PCDH15: variants seen among roughly 807,000 people sequenced by gnomAD.
PCDH15 encodes protocadherin related 15.
In PCDH15, 129 loss-of-function variants were observed where a neutral mutation model predicts 178.5. The ratio of observed to expected loss-of-function variants is 0.72; its 90% CI spans 0.63 to 0.84. PCDH15 has a LOEUF of 0.84. PCDH15 is among the 40% of genes least tolerant of loss of function. The pLI, the probability that PCDH15 is intolerant of heterozygous loss-of-function variation, is 0.00. For synonymous variants in PCDH15, 800 were observed against 732.0 expected (o/e 1.09, Z -1.50); for missense variants, 2,230 against 2,099.9 (o/e 1.06, Z -1.21).
intron 2 of PCDH15, among the ~76,000 whole-genome samples, chr10:55,361,135 A>G (rs1845218612): frequency 6.6e-6 from 1 of 152,006 alleles, no homozygotes; most frequent in South Asian, 2.1e-4. Context: ...TATAAAGTTC[A>G]AAAATAGGTT....
intron 35 of PCDH15, among the ~76,000 whole-genome samples, chr10:53,812,960 C>T (rs2075927586): frequency 6.6e-6 from 1 of 152,152 alleles, no homozygotes; most frequent in Non-Finnish European, 1.5e-5. Flanking sequence ...TTACAGCCTG[C>T]ATGATTGATA....
At chr10:55,115,294 C>A (rs1042963677) in intron 2 of PCDH15, among the ~76,000 whole-genome samples, 2 of 152,092 alleles carry the variant, frequency 1.3e-5, no homozygotes, top group Non-Finnish European at 2.9e-5. Context: ...TGCAAGAGAC[C>A]TTAGAAGAAA....
At chr10:55,497,007 T>G (rs867942012) in intron 2 of PCDH15, among the ~76,000 whole-genome samples, 2 of 152,002 alleles carry the variant, frequency 1.3e-5, no homozygotes, top group Middle Eastern at 3.4e-3. Flanking sequence ...AGAATACTTT[T>G]GGGGACAATT....
rs574723563 is a variant in PCDH15 at position 55,084,615 on chromosome 10, A to G, written c.-80+81961T>C. Among the ~76,000 whole-genome samples the G allele has an allele frequency of 2.0e-4, 31 of 152,138 alleles. No homozygotes were observed. The South Asian group carries it at 5.6e-3, about 27-fold the overall frequency. On this transcript the variant is annotated intron_variant, in intron 2 of 5. Coordinates refer to the PCDH15 transcript ENST00000458638. The stretch of plus-strand genomic sequence containing the variant: ...TAAAAAGCTCCTGTACAGCAAAGTA[A>G]ACATAAGCAAAATGAAGAGACAACC...
At chr10:55,453,325 T>C (rs1565154898) in intron 2 of PCDH15, among the ~76,000 whole-genome samples, 1 of 152,184 alleles carries the variant, frequency 6.6e-6, no homozygotes, top group African/African-American at 2.4e-5. Flanking sequence ...CAATAAAATA[T>C]TGTTTTCTTA....
chr10:53,963,968 T>G (rs904995272), intron 21 of PCDH15, among the ~76,000 whole-genome samples: 2 of 152,252 alleles, frequency 1.3e-5, no homozygotes, highest in African/African-American at 4.8e-5. Context: ...AAGGGCAATC[T>G]GATCCTAAAA....
intron 2 of PCDH15, among the ~76,000 whole-genome samples, chr10:54,601,470 G>T (rs951397916): frequency 6.6e-6 from 1 of 151,860 alleles, no homozygotes; most frequent in Non-Finnish European, 1.5e-5. Context: ...TTAGAGACAC[G>T]CAAATAAAAA....
chr10:54,260,094 G>A (rs1460800998), intron 8 of PCDH15, among the ~76,000 whole-genome samples: 9 of 152,068 alleles, frequency 5.9e-5, no homozygotes, highest in Non-Finnish European at 4.4e-5. Flanking sequence ...TGTAATGACG[G>A]TAATGGTATT....
At chr10:53,964,814 T>C (rs2088818578) in intron 21 of PCDH15, among the ~76,000 whole-genome samples, 1 of 152,122 alleles carries the variant, frequency 6.6e-6, no homozygotes. Context: ...CTTATTATAA[T>C]CATATACAAT....
At position 54,242,183 on chromosome 10, in the gene PCDH15, TATATAC is replaced by T. The variant is rs71890703; in HGVS notation, c.877-5258_877-5253del. 8.2e-4 allele frequency among the ~76,000 whole-genome samples: 64 copies of T among 78,172 alleles called. 2 individuals carry two copies. The highest frequency in any genetic ancestry group is 1.7e-3 in the African/African-American group (30 of 17,364). The allele number at this position is 78,172 out of a possible 152,430, so 51.3% of individuals were successfully genotyped here. On this transcript the variant is annotated intron_variant, in intron 8 of 37. Coordinates refer to ENST00000644397, the MANE Select transcript of PCDH15 (RefSeq NM_001384140.1). ...ATATATATATATATATATATATATA[TATATAC>T]ACACACACACATACATACATACACA...
intron 3 of PCDH15, among the ~76,000 whole-genome samples, chr10:54,463,880 C>T (rs1400566796): frequency 2.6e-5 from 4 of 151,946 alleles, no homozygotes; most frequent in Non-Finnish European, 4.4e-5. Context: ...TATAGGTACT[C>T]AAGGAAGAAA....
chr10:54,491,078 C>A (rs1454338643), intron 3 of PCDH15, among the ~76,000 whole-genome samples: 1 of 152,124 alleles, frequency 6.6e-6, no homozygotes, highest in East Asian at 1.9e-4. Flanking sequence ...AGGCAGCTAT[C>A]AGCATTCAGT....
chr10:54,633,875 A>G (rs533973619), intron 2 of PCDH15, among the ~76,000 whole-genome samples: 1 of 152,226 alleles, frequency 6.6e-6, no homozygotes, highest in African/African-American at 2.4e-5. Context: ...TTAGGCACAT[A>G]TTAGGAGTGT....
chr10:54,732,020 A>C (rs1432990381), intron 1 of PCDH15, among the ~76,000 whole-genome samples: 1 of 151,408 alleles, frequency 6.6e-6, no homozygotes, highest in East Asian at 1.9e-4. Flanking sequence ...TTTACAAATT[A>C]TATACATATA....
chr10:54,005,270 T>C (rs762063220), intron 20 of PCDH15, among the ~76,000 whole-genome samples: 2 of 152,026 alleles, frequency 1.3e-5, no homozygotes, highest in African/African-American at 2.4e-5. Flanking sequence ...TCTTGAGTAA[T>C]ACCTCACAAG....
At chr10:55,143,379 T>G (rs748150883) in intron 2 of PCDH15, among the ~76,000 whole-genome samples, 1 of 152,144 alleles carries the variant, frequency 6.6e-6, no homozygotes, top group South Asian at 2.1e-4. Flanking sequence ...GAAATAGATA[T>G]AAAAGTAATT....
intron 8 of PCDH15, among the ~76,000 whole-genome samples, chr10:54,268,113 G>T (rs572985171): frequency 6.6e-6 from 1 of 151,850 alleles, no homozygotes; most frequent in South Asian, 2.1e-4. Flanking sequence ...AGAGAATCCA[G>T]AAATGAGGCC....
intron 2 of PCDH15, among the ~76,000 whole-genome samples, chr10:55,472,978 T>G (rs899444599): frequency 1.3e-5 from 2 of 152,204 alleles, no homozygotes; most frequent in Non-Finnish European, 2.9e-5. Context: ...GATTTTGTTT[T>G]TATACATGTA....
intron 1 of PCDH15, among the ~76,000 whole-genome samples, chr10:55,287,688 T>A (rs927550290): frequency 3.3e-5 from 5 of 152,042 alleles, no homozygotes; most frequent in African/African-American, 1.2e-4. Context: ...TGTGTGTATG[T>A]GTGTGTTTTA....
Sources: gnomAD v4.1 joint callset for allele counts (sites outside exome capture counted in the v4.1 genomes callset) on GRCh38, gnomAD v4.1.1 for gene constraint, MANE v1.5 for transcripts, NCBI Gene and HGNC (gene_info 2026-07-23, HGNC 2026-07-21) for gene names.